MGAT4A: variants seen among roughly 807,000 people sequenced by gnomAD.
MGAT4A encodes N-acetylglucosaminyltransferase IVa.
Under a neutral mutation model 74.1 loss-of-function variants are expected in MGAT4A, and 33 were observed. The ratio of observed to expected loss-of-function variants is 0.45; its 90% CI spans 0.34 to 0.60. The LOEUF is 0.60. MGAT4A is among the 20% of genes least tolerant of loss of function. MGAT4A has a pLI of 0.02. For synonymous variants in MGAT4A, 198 were observed against 210.4 expected (o/e 0.94, Z 0.51); for missense variants, 479 against 628.3 (o/e 0.76, Z 2.54).
chr2:98,653,337 GA>G (rs1273544640), intron 8 of MGAT4A, among the ~76,000 whole-genome samples: 1 of 123,182 alleles, frequency 8.1e-6, no homozygotes, highest in African/African-American at 3.0e-5. Context: ...TAAATAAATA[GA>G]AAAAAATAAA....
chr2:98,662,494 T>C (rs1220462301), intron 5 of MGAT4A, among the ~76,000 whole-genome samples: 1 of 152,200 alleles, frequency 6.6e-6, no homozygotes, highest in Non-Finnish European at 1.5e-5. Context: ...CTAGACCATG[T>C]CCTAAATCCT....
intron 8 of MGAT4A, among the ~76,000 whole-genome samples, chr2:98,646,852 G>A (rs2104245185): frequency 6.6e-6 from 1 of 152,286 alleles, no homozygotes; most frequent in South Asian, 2.1e-4. Context: ...CATAATGCTG[G>A]GGTTTGGGCT....
intron 8 of MGAT4A, 74 bp downstream of exon 8, chr2:98,655,371 G>A (rs1200418931): frequency 1.7e-6 from 2 of 1,187,550 alleles, no homozygotes; most frequent in Non-Finnish European, 1.2e-6. Context: ...AAAACTTCCT[G>A]TTTTAATGAA....
intron 5 of MGAT4A, among the ~76,000 whole-genome samples, chr2:98,662,802 A>G (rs1220451199): frequency 6.6e-6 from 1 of 152,188 alleles, no homozygotes; most frequent in Non-Finnish European, 1.5e-5. Flanking sequence ...AGAAATAGGC[A>G]CACGTTCTTA....
intron 4 of MGAT4A, among the ~76,000 whole-genome samples, chr2:98,664,200 C>CA (rs57981145): frequency 0.02 from 1,044 of 51,488 alleles, 84 homozygotes; most frequent in Middle Eastern, 0.042. Flanking sequence ...GATTCCATCT[C>CA]AAAAAAAAAA....
intron 4 of MGAT4A, among the ~76,000 whole-genome samples, chr2:98,665,296 A>G (rs1056524934): frequency 1.4e-5 from 2 of 144,050 alleles, no homozygotes; most frequent in Admixed American, 1.5e-4. Flanking sequence ...GCCACTGCAC[A>G]CCAGCCTGGG....
At chr2:98,722,798 C>T (rs867528385) in intron 2 of MGAT4A, among the ~76,000 whole-genome samples, 2 of 152,226 alleles carry the variant, frequency 1.3e-5, no homozygotes, top group African/African-American at 4.8e-5. Flanking sequence ...CTAAGCATCA[C>T]TGGATCAGGC....
In MGAT4A at chr2:98,621,830, T is replaced by C. The variant is rs1701065218; in HGVS notation, c.*3736A>G. ...TTAAAGGCCTTCATAATTTTGCTTA[T>C]AGTTTTAAAAATAACAACACCTTCT... On this transcript the variant is annotated 3_prime_UTR_variant, in exon 16 of 16. Transcript: ENST00000393487. The C allele has an allele frequency of 2.9e-6, 3 of 1,043,900 alleles. No homozygotes were observed. Among genetic ancestry groups the C allele is most frequent in the Non-Finnish European group, 2.3e-6 (2 of 867,812 alleles). 64.7% of individuals were successfully genotyped at this position (1,043,900 alleles called of 1,614,324 possible).
intron 2 of MGAT4A, among the ~76,000 whole-genome samples, chr2:98,697,629 T>C (rs1360469673): frequency 6.6e-6 from 1 of 152,242 alleles, no homozygotes; most frequent in Non-Finnish European, 1.5e-5. Flanking sequence ...TGTATCTCTC[T>C]GTCTTTGCAG....
In MGAT4A at chr2:98,726,369, T is replaced by C. The variant is rs563075686; in HGVS notation, c.-37A>G. 199 of 1,569,154 alleles carry C rather than the reference T, an allele frequency of 1.3e-4. No homozygotes were observed. The highest frequency in any genetic ancestry group is 8.4e-4 in the South Asian group (75 of 89,668). On this transcript the variant is annotated 5_prime_UTR_variant, in exon 2 of 16. Transcript: ENST00000393487. ...ATCACACTGGTCCATATGTTTATGA[T>C]GACAACAACCAGGACTGTTTTCTTT...
At chr2:98,729,566 G>A (rs1033596996) in intron 1 of MGAT4A, among the ~76,000 whole-genome samples, 5 of 152,150 alleles carry the variant, frequency 3.3e-5, no homozygotes, top group Non-Finnish European at 7.4e-5. Flanking sequence ...GGCTAAAATT[G>A]CTAGTCATTT....
chr2:98,703,647 G>A (rs1702382183), intron 2 of MGAT4A, among the ~76,000 whole-genome samples: 1 of 151,970 alleles, frequency 6.6e-6, no homozygotes, highest in Admixed American at 6.6e-5. Flanking sequence ...ATGTCCCTGT[G>A]GCCTCCATAT....
intron 2 of MGAT4A, among the ~76,000 whole-genome samples, chr2:98,705,507 T>G (rs1702412504): frequency 6.6e-6 from 1 of 152,210 alleles, no homozygotes; most frequent in South Asian, 2.1e-4. Flanking sequence ...TCAACAGTAC[T>G]CCCTTTACTC....
At chr2:98,665,292 G>A (rs574344597) in intron 4 of MGAT4A, among the ~76,000 whole-genome samples, 4 of 134,294 alleles carry the variant, frequency 3.0e-5, no homozygotes, top group Non-Finnish European at 6.1e-5. Flanking sequence ...TCGCGCCACT[G>A]CACACCAGCC....
intron 2 of MGAT4A, among the ~76,000 whole-genome samples, chr2:98,719,718 C>T (rs879943276): frequency 1.3e-5 from 2 of 152,202 alleles, no homozygotes; most frequent in Admixed American, 1.3e-4. Flanking sequence ...GCGATCTCGG[C>T]TCACTGCAAC....
At chr2:98,643,304 G>A (rs959409656) in intron 10 of MGAT4A, among the ~76,000 whole-genome samples, 2 of 152,066 alleles carry the variant, frequency 1.3e-5, no homozygotes, top group African/African-American at 2.4e-5. Context: ...GATTACAGGC[G>A]TGAACCACTG....
chr2:98,683,914 G>A (rs1444351246), intron 2 of MGAT4A, among the ~76,000 whole-genome samples: 1 of 152,144 alleles, frequency 6.6e-6, no homozygotes, highest in Non-Finnish European at 1.5e-5. Flanking sequence ...GCTGTTCTTA[G>A]TCCAAGACCC....
intron 8 of MGAT4A, among the ~76,000 whole-genome samples, chr2:98,653,355 GA>G (rs566464377): frequency 2.7e-4 from 36 of 133,072 alleles, no homozygotes; most frequent in East Asian, 1.8e-3. Flanking sequence ...TAAATAAATA[GA>G]AAAAAAAAAG....
intron 2 of MGAT4A, among the ~76,000 whole-genome samples, chr2:98,688,787 C>A (rs949742844): frequency 6.6e-6 from 1 of 152,090 alleles, no homozygotes; most frequent in Non-Finnish European, 1.5e-5. Context: ...TTTGAGAGCC[C>A]AGGTAGAGGG....
Sources: gnomAD v4.1 joint callset for allele counts (sites outside exome capture counted in the v4.1 genomes callset) on GRCh38, gnomAD v4.1.1 for gene constraint, MANE v1.5 for transcripts, NCBI Gene and HGNC (gene_info 2026-07-23, HGNC 2026-07-21) for gene names.